Variants in AP2B1 observed in about 807,000 individuals in gnomAD.
AP2B1 encodes adaptor related protein complex 2 subunit beta 1, also known as AP-2 complex subunit beta.
Under a neutral mutation model 102.0 loss-of-function variants are expected in AP2B1, and 23 were observed. That is an observed-to-expected ratio of 0.23 (90% CI 0.16 to 0.32). The LOEUF is 0.32. Ranked by LOEUF, AP2B1 falls within the 10% of genes least tolerant of loss-of-function variation. The pLI is 1.00. For synonymous variants in AP2B1, 381 were observed against 421.2 expected, an observed-to-expected ratio of 0.90 and a Z score of 1.17; for missense variants, 541 against 1,157.4, an observed-to-expected ratio of 0.47 and a Z score of 7.73.
chr17:35,648,861 GGGA>G (rs1295803950), intron 12 of AP2B1, among the ~76,000 whole-genome samples: 1 of 151,814 alleles, frequency 6.6e-6, no homozygotes, highest in Non-Finnish European at 1.5e-5. Context: ...GGATAATTGG[GGGA>G]GATTTTTTTT....
At chr17:35,610,248 G>T (rs923505554) in intron 5 of AP2B1, among the ~76,000 whole-genome samples, 1 of 151,782 alleles carries the variant, frequency 6.6e-6, no homozygotes, top group Middle Eastern at 3.4e-3. Context: ...GGGTTCAAGC[G>T]ATTCTCCTCC....
intron 4 of AP2B1, among the ~76,000 whole-genome samples, chr17:35,607,618 T>G (rs1453668644): frequency 6.6e-6 from 1 of 152,222 alleles, no homozygotes; most frequent in African/African-American, 2.4e-5. Context: ...TCAGAGGGCC[T>G]TCTCTGCTGC....
chr17:35,637,194 T>C (rs1395820273), intron 10 of AP2B1, among the ~76,000 whole-genome samples: 1 of 152,178 alleles, frequency 6.6e-6, no homozygotes, highest in Non-Finnish European at 1.5e-5. Flanking sequence ...GAGCTTCTGA[T>C]TGTCTTTTTT....
chr17:35,671,488 T>C (rs2075585829), intron 15 of AP2B1, among the ~76,000 whole-genome samples: 1 of 152,160 alleles, frequency 6.6e-6, no homozygotes, highest in Admixed American at 6.5e-5. Context: ...TGGAAACAAA[T>C]ACAAAATCTT....
chr17:35,599,480 A>G (rs944637216), intron 3 of AP2B1, among the ~76,000 whole-genome samples: 1 of 152,230 alleles, frequency 6.6e-6, no homozygotes, highest in Non-Finnish European at 1.5e-5. Context: ...TGGTGGTGAA[A>G]TTAATGATTG....
At chr17:35,607,940 A>T in intron 4 of AP2B1, 1 of 619,398 alleles carries the variant, frequency 1.6e-6, no homozygotes, top group Non-Finnish European at 2.7e-6. Context: ...TAAAACAGTT[A>T]AATGACTTCT....
intron 5 of AP2B1, among the ~76,000 whole-genome samples, chr17:35,619,089 C>G (rs1299709655): frequency 6.6e-6 from 1 of 152,166 alleles, no homozygotes; most frequent in Non-Finnish European, 1.5e-5. Flanking sequence ...TACTCAGACA[C>G]TGGAATCAGA....
intron 20 of AP2B1, among the ~76,000 whole-genome samples, chr17:35,715,369 A>G (rs1303938364): frequency 1.3e-5 from 2 of 152,202 alleles, no homozygotes; most frequent in Non-Finnish European, 2.9e-5. Context: ...AATTGAGAAT[A>G]TTTCATGATT....
At chr17:35,721,702 T>A (rs1555593228) in intron 21 of AP2B1, among the ~76,000 whole-genome samples, 1 of 152,184 alleles carries the variant, frequency 6.6e-6, no homozygotes, top group African/African-American at 2.4e-5. Flanking sequence ...TTACTAGTTG[T>A]AAACATAAAA....
Position 35,627,484 on chromosome 17 carries a change from A to C in AP2B1, c.1038A>C (p.Ala346=), listed in dbSNP as rs2074350765. The change falls in exon 8 of 22, where the codon GCA becomes GCC. Residue 346 remains alanine, a synonymous_variant. Coordinates refer to ENST00000610402, the MANE Select transcript of AP2B1 (RefSeq NM_001030006.2). ...AGTTGGACATCATGATTCGTTTGGC[A>C]TCTCAAGCCAACATTGCTCAGGTCA... ...LEKLDIMIRL[A]SQANIAQVLA... 5.0e-6 allele frequency: 8 copies of C among 1,614,004 alleles called. No homozygotes were observed. Among genetic ancestry groups the C allele is most frequent in the Non-Finnish European group, 6.8e-6 (8 of 1,180,030 alleles).
At chr17:35,618,980 G>C (rs1452627670) in intron 5 of AP2B1, among the ~76,000 whole-genome samples, 4 of 152,126 alleles carry the variant, frequency 2.6e-5, no homozygotes, top group Admixed American at 2.0e-4. Context: ...ATAATGTTTG[G>C]ATTATATTAT....
At chr17:35,665,053 A>AT (rs1247571486) in intron 14 of AP2B1, among the ~76,000 whole-genome samples, 2 of 148,738 alleles carry the variant, frequency 1.3e-5, no homozygotes, top group Non-Finnish European at 3.0e-5. Context: ...CCATCAGTTT[A>AT]TTAGCTTTTG....
At chr17:35,679,063 G>GT (rs1320866948) in intron 17 of AP2B1, among the ~76,000 whole-genome samples, 7 of 152,194 alleles carry the variant, frequency 4.6e-5, no homozygotes, top group African/African-American at 1.7e-4. Flanking sequence ...GCTTTGAACA[G>GT]TTGCTGTGTT....
intron 18 of AP2B1, among the ~76,000 whole-genome samples, chr17:35,700,368 C>T (rs1370734637): frequency 6.6e-5 from 10 of 151,772 alleles, no homozygotes; most frequent in Admixed American, 6.6e-4. Context: ...AGATGGTTGA[C>T]GTCACTGCCT....
intron 18 of AP2B1, among the ~76,000 whole-genome samples, chr17:35,686,384 A>C (rs1019855705): frequency 6.6e-6 from 1 of 152,036 alleles, no homozygotes; most frequent in African/African-American, 2.4e-5. Context: ...CTTGTTTCTC[A>C]TTTCGTGTGT....
intron 13 of AP2B1, among the ~76,000 whole-genome samples, chr17:35,652,994 C>A (rs1367708027): frequency 6.6e-6 from 1 of 152,188 alleles, no homozygotes; most frequent in Non-Finnish European, 1.5e-5. Context: ...TTCCTGGACA[C>A]TTTCCTTGTA....
At chr17:35,603,509 T>C (rs1022859657) in intron 3 of AP2B1, among the ~76,000 whole-genome samples, 2 of 152,192 alleles carry the variant, frequency 1.3e-5, no homozygotes, top group African/African-American at 4.8e-5. Flanking sequence ...TAAACTCCTT[T>C]TATATTTGAT....
At position 35,624,553 on chromosome 17, in the gene AP2B1, A is replaced by C; in HGVS notation, c.682A>C (p.Asn228His). Residue 228 changes from asparagine (N) to histidine (H), a missense_variant, in exon 6 of 22, where the codon AAT becomes CAT. Physicochemically the swap from Asn to His is moderately conservative, Grantham distance 68 (BLOSUM62 1). This residue lies in a region of AP2B1 where 134 missense variants were observed against 250.2 expected (regional missense o/e 0.54). Transcript: ENST00000610402. ...GQIFILDCLSNYNPKDDREAQ... is the reference protein window; with the variant it reads ...GQIFILDCLSHYNPKDDREAQ... ...GATTTTCATCCTGGACTGCCTGTCT[A>C]ATTACAACCCTAAAGATGATCGGGA... 2 of 1,614,118 alleles carry C rather than the reference A, an allele frequency of 1.2e-6. No homozygotes were observed. The highest frequency in any genetic ancestry group is 1.7e-6 in the Non-Finnish European group (2 of 1,179,986).
In AP2B1 at chr17:35,705,039, A is replaced by G. The variant is rs142651785; in HGVS notation, c.2455-4185A>G. On this transcript the variant is annotated intron_variant, in intron 18 of 21. Transcript: ENST00000610402. ...GAGCCAGACTCTGTCTCAAAAAAAGAAAAAAGAAAGAACAACATATAAAAA... is the reference window on the plus strand; with the variant it reads ...GAGCCAGACTCTGTCTCAAAAAAAGGAAAAAGAAAGAACAACATATAAAAA... Among the ~76,000 whole-genome samples the G allele has an allele frequency of 7.2e-5, 11 of 152,314 alleles. No individual in the cohort carries two copies. The East Asian group carries it at 2.1e-3, about 29-fold the overall frequency.
Sources: allele counts gnomAD v4.1 joint callset (sites outside exome capture counted in the v4.1 genomes callset), GRCh38; gene constraint gnomAD v4.1.1; regional missense constraint gnomAD v4.1.1; transcripts MANE v1.5; gene names NCBI Gene and HGNC (gene_info 2026-07-23, HGNC 2026-07-21).